CSMD3: variants seen among roughly 807,000 people sequenced by gnomAD.
CSMD3 encodes CUB and sushi domain-containing protein 3.
Under a neutral mutation model 435.2 loss-of-function variants are expected in CSMD3, and 177 were observed. The ratio of observed to expected loss-of-function variants is 0.41; its 90% CI spans 0.36 to 0.46. The LOEUF (loss-of-function observed/expected upper bound fraction) is 0.46, where lower values mean the gene tolerates loss of function less well. CSMD3 is among the 20% of genes least tolerant of loss of function. The pLI is 0.34. For missense variants in CSMD3, 4,265 were observed against 4,504.6 expected, an observed-to-expected ratio of 0.95 and a Z score of 1.52; for synonymous variants, 1,656 against 1,520.5, an observed-to-expected ratio of 1.09 and a Z score of -2.07.
chr8:112,728,166 A>G (rs1306947826), intron 13 of CSMD3, among the ~76,000 whole-genome samples: 1 of 151,922 alleles, frequency 6.6e-6, no homozygotes, highest in Admixed American at 6.6e-5. Context: ...CCCTTCATTA[A>G]GATTAGATAA....
chr8:112,734,587 A>AT (rs1374807706), intron 13 of CSMD3, among the ~76,000 whole-genome samples: 2 of 151,942 alleles, frequency 1.3e-5, no homozygotes, highest in Admixed American at 1.3e-4. Flanking sequence ...ATTTGTAAAG[A>AT]TTTTTGTCAG....
intron 3 of CSMD3, among the ~76,000 whole-genome samples, chr8:113,255,551 T>C (rs1442002619): frequency 6.6e-6 from 1 of 151,934 alleles, no homozygotes; most frequent in African/African-American, 2.4e-5. Flanking sequence ...CAACTCTGAG[T>C]TGTACTACCC....
At chr8:112,349,402 G>T (rs1234908574) in intron 40 of CSMD3, among the ~76,000 whole-genome samples, 1 of 151,856 alleles carries the variant, frequency 6.6e-6, no homozygotes, top group Non-Finnish European at 1.5e-5. Flanking sequence ...ACATTAATTT[G>T]TTCACTAAAC....
At chr8:112,402,814 AT>A (rs1341693825) in intron 35 of CSMD3, among the ~76,000 whole-genome samples, 1 of 152,188 alleles carries the variant, frequency 6.6e-6, no homozygotes, top group Non-Finnish European at 1.5e-5. Context: ...TTTCCAATTT[AT>A]GCATATTGCA....
chr8:113,005,637 T>A (rs1204708221), intron 6 of CSMD3, among the ~76,000 whole-genome samples: 1 of 152,014 alleles, frequency 6.6e-6, no homozygotes, highest in African/African-American at 2.4e-5. Context: ...ATGTAATCCA[T>A]CCTCCTCATT....
At chr8:112,694,354 T>C (rs771330278) in intron 13 of CSMD3, among the ~76,000 whole-genome samples, 2 of 152,142 alleles carry the variant, frequency 1.3e-5, no homozygotes, top group African/African-American at 4.8e-5. Flanking sequence ...TTTATTTATA[T>C]GTTTATTTAC....
intron 32 of CSMD3, among the ~76,000 whole-genome samples, chr8:112,457,476 T>C (rs1329964733): frequency 6.6e-6 from 1 of 152,110 alleles, no homozygotes; most frequent in Non-Finnish European, 1.5e-5. Context: ...CAGAATGATA[T>C]TTCAGTTAAT....
At chr8:112,256,176 T>C (rs940252803) in intron 61 of CSMD3, among the ~76,000 whole-genome samples, 2 of 152,078 alleles carry the variant, frequency 1.3e-5, no homozygotes, top group South Asian at 4.1e-4. Flanking sequence ...AACATGTCAG[T>C]AAACAAATAC....
intron 1 of CSMD3, among the ~76,000 whole-genome samples, chr8:113,367,293 C>CT (rs1326548939): frequency 6.6e-6 from 1 of 151,794 alleles, no homozygotes; most frequent in African/African-American, 2.4e-5. Flanking sequence ...ATAACATATT[C>CT]TTTTTTATAG....
chr8:112,536,570 G>A (rs2131107027), intron 27 of CSMD3, among the ~76,000 whole-genome samples: 1 of 152,234 alleles, frequency 6.6e-6, no homozygotes, highest in Non-Finnish European at 1.5e-5. Context: ...CACTGTTGGT[G>A]GGACTGTAAA....
intron 1 of CSMD3, among the ~76,000 whole-genome samples, chr8:113,316,473 T>C (rs753303373): frequency 2.6e-5 from 4 of 152,106 alleles, no homozygotes; most frequent in Non-Finnish European, 5.9e-5. Context: ...TGGGATGTTG[T>C]ACATTTATTC....
At chr8:112,863,432 T>G (rs770181304) in intron 10 of CSMD3, among the ~76,000 whole-genome samples, 7 of 151,896 alleles carry the variant, frequency 4.6e-5, no homozygotes, top group Non-Finnish European at 1.0e-4. Flanking sequence ...TTATATTATA[T>G]TTATATAGAC....
At chr8:113,247,600 C>T (rs1356770716) in intron 3 of CSMD3, among the ~76,000 whole-genome samples, 2 of 151,898 alleles carry the variant, frequency 1.3e-5, no homozygotes, top group Non-Finnish European at 2.9e-5. Context: ...ACAATTTTTG[C>T]CAGTGTTCAT....
chr8:112,783,842 G>C (rs1373273945), intron 13 of CSMD3, among the ~76,000 whole-genome samples: 1 of 150,940 alleles, frequency 6.6e-6, no homozygotes. Flanking sequence ...AACATAAAAA[G>C]AGACAAAGAA....
intron 23 of CSMD3, among the ~76,000 whole-genome samples, chr8:112,579,367 C>T (rs1392224622): frequency 6.6e-6 from 1 of 151,970 alleles, no homozygotes; most frequent in Non-Finnish European, 1.5e-5. Flanking sequence ...CATTGGCTGA[C>T]ATCAAGCTAT....
intron 2 of CSMD3, among the ~76,000 whole-genome samples, chr8:113,292,916 A>G (rs1409272844): frequency 6.6e-6 from 1 of 151,634 alleles, no homozygotes; most frequent in Non-Finnish European, 1.5e-5. Flanking sequence ...AAGAAAGATG[A>G]AAAAAAATTT....
At chr8:113,010,764 A>T (rs2086228659) in intron 6 of CSMD3, among the ~76,000 whole-genome samples, 1 of 151,696 alleles carries the variant, frequency 6.6e-6, no homozygotes, top group Non-Finnish European at 1.5e-5. Flanking sequence ...TAAAATTGCA[A>T]AGGTAAGCAT....
intron 13 of CSMD3, among the ~76,000 whole-genome samples, chr8:112,744,878 G>A (rs745784249): frequency 1.3e-4 from 20 of 152,188 alleles, no homozygotes; most frequent in Non-Finnish European, 2.9e-4. Flanking sequence ...AAGATGATTC[G>A]GCGGTCAAAT....
chr8:112,363,496 T>C (rs1439223867), intron 38 of CSMD3, among the ~76,000 whole-genome samples: 1 of 151,984 alleles, frequency 6.6e-6, no homozygotes, highest in African/African-American at 2.4e-5. Context: ...TGACTCAACA[T>C]GAGAGGCTTC....
Sources: allele counts gnomAD v4.1 joint callset (sites outside exome capture counted in the v4.1 genomes callset), GRCh38; gene constraint gnomAD v4.1.1; transcripts MANE v1.5; gene names NCBI Gene and HGNC (gene_info 2026-07-23, HGNC 2026-07-21).